Variants in NLGN1 observed in about 807,000 individuals in gnomAD.
NLGN1 encodes neuroligin-1.
In NLGN1, 12 loss-of-function variants were observed where a neutral mutation model predicts 65.5. The ratio of observed to expected loss-of-function variants is 0.18; its 90% CI spans 0.12 to 0.30. The LOEUF (loss-of-function observed/expected upper bound fraction) is 0.30, where lower values mean the gene tolerates loss of function less well. Among genes scored for constraint, NLGN1 ranks in the 10% least tolerant of loss-of-function variants. The pLI is 1.00. For missense variants in NLGN1, 750 were observed against 1,007.1 expected, an observed-to-expected ratio of 0.74 and a Z score of 3.46; for synonymous variants, 350 against 359.5, an observed-to-expected ratio of 0.97 and a Z score of 0.30.
chr3:173,685,071 C>A (rs1764498347), intron 3 of NLGN1, among the ~76,000 whole-genome samples: 1 of 152,182 alleles, frequency 6.6e-6, no homozygotes, highest in Non-Finnish European at 1.5e-5. Context: ...GTTAAGCCCT[C>A]CTTATTAGAC....
In NLGN1 at chr3:173,683,970, C is replaced by G. The variant is rs1257221821; in HGVS notation, c.493+78879C>G. On this transcript the variant is annotated intron_variant, in intron 3 of 6. Transcript: ENST00000457714. Reference sequence around the variant, plus strand: ...CCAAAGCCAAAGCTATCTTTAATCACAGTAAACAAATCATATATCATTATA... The same window carrying G: ...CCAAAGCCAAAGCTATCTTTAATCAGAGTAAACAAATCATATATCATTATA... Among the ~76,000 whole-genome samples the G allele has an allele frequency of 2.6e-5, 4 of 152,180 alleles. No individual in the cohort carries two copies. In the East Asian group the frequency reaches 5.8e-4, roughly 22 times the overall value.
At chr3:174,022,588 A>G (rs1727965757) in intron 4 of NLGN1, among the ~76,000 whole-genome samples, 1 of 152,238 alleles carries the variant, frequency 6.6e-6, no homozygotes, top group South Asian at 2.1e-4. Flanking sequence ...ATACGCCAAC[A>G]GGCATATGAA....
chr3:173,913,595 C>G (rs538500237), intron 4 of NLGN1, among the ~76,000 whole-genome samples: 12 of 152,182 alleles, frequency 7.9e-5, no homozygotes, highest in South Asian at 4.2e-4. Context: ...GACATGCTTT[C>G]CTCTCTCAAC....
At chr3:173,556,477 G>A (rs1357107547) in intron 2 of NLGN1, among the ~76,000 whole-genome samples, 1 of 151,884 alleles carries the variant, frequency 6.6e-6, no homozygotes, top group Non-Finnish European at 1.5e-5. Context: ...TTTTTAGGAG[G>A]GTGTTCTTAA....
intron 4 of NLGN1, among the ~76,000 whole-genome samples, chr3:174,011,985 A>C (rs1212138866): frequency 1.3e-5 from 2 of 152,118 alleles, no homozygotes; most frequent in Admixed American, 1.3e-4. Context: ...CAAATAGCAA[A>C]TTTTGATAGA....
intron 3 of NLGN1, among the ~76,000 whole-genome samples, chr3:173,665,842 A>G (rs545473826): frequency 6.6e-6 from 1 of 152,308 alleles, no homozygotes; most frequent in Non-Finnish European, 1.5e-5. Context: ...TTGTTTCCCT[A>G]ATATGAAGTT....
intron 3 of NLGN1, among the ~76,000 whole-genome samples, chr3:173,673,185 A>G (rs1365990616): frequency 6.6e-6 from 1 of 152,126 alleles, no homozygotes; most frequent in East Asian, 1.9e-4. Context: ...TATTTTCTTG[A>G]TGCTATGAAA....
At chr3:174,038,132 A>G (rs1241268174) in intron 4 of NLGN1, among the ~76,000 whole-genome samples, 1 of 152,170 alleles carries the variant, frequency 6.6e-6, no homozygotes, top group Admixed American at 6.6e-5. Context: ...AGAATGTGGC[A>G]GTCGCTGTGA....
chr3:174,037,551 AGCAAGT>A (rs1021236478), intron 4 of NLGN1, among the ~76,000 whole-genome samples: 3 of 152,184 alleles, frequency 2.0e-5, no homozygotes, highest in Non-Finnish European at 4.4e-5. Flanking sequence ...AGCTCTGTGG[AGCAAGT>A]ATATTTACAT....
intron 3 of NLGN1, among the ~76,000 whole-genome samples, chr3:173,638,675 T>C (rs2149577069): frequency 6.6e-6 from 1 of 152,288 alleles, no homozygotes; most frequent in African/African-American, 2.4e-5. Flanking sequence ...TTTCACATAA[T>C]GGATTATTTT....
intron 4 of NLGN1, among the ~76,000 whole-genome samples, chr3:174,264,956 T>A (rs566704407): frequency 7.4e-4 from 113 of 152,240 alleles, no homozygotes; most frequent in Admixed American, 3.4e-3. Context: ...GAGGTGTCAG[T>A]GTGCCCCTGC....
rs994576219 is a variant in NLGN1 at position 173,957,874 on chromosome 3, A to G, written c.646+150042A>G. 2.0e-5 allele frequency among the ~76,000 whole-genome samples: 3 copies of G among 152,088 alleles called. No individual in the cohort carries two copies. In the East Asian group the frequency reaches 5.8e-4, roughly 29 times the overall value. On this transcript the variant is annotated intron_variant, in intron 4 of 6. Transcript: ENST00000457714. ...TGGCAGGCTGTGCTCAGCTTGTGCTACTGGCCTGGATCCCACACCTGCCAA... is the reference window on the plus strand; with the variant it reads ...TGGCAGGCTGTGCTCAGCTTGTGCTGCTGGCCTGGATCCCACACCTGCCAA...
intron 4 of NLGN1, among the ~76,000 whole-genome samples, chr3:173,866,437 T>C (rs967215916): frequency 6.6e-6 from 1 of 152,174 alleles, no homozygotes; most frequent in Non-Finnish European, 1.5e-5. Flanking sequence ...CTAATGTATG[T>C]CTCTCTGTAA....
At chr3:173,407,518 A>G (rs922554101) in intron 1 of NLGN1, among the ~76,000 whole-genome samples, 1 of 152,270 alleles carries the variant, frequency 6.6e-6, no homozygotes, top group Non-Finnish European at 1.5e-5. Flanking sequence ...CCATGATTAC[A>G]TAATTACTAG....
intron 3 of NLGN1, among the ~76,000 whole-genome samples, chr3:173,684,636 C>A (rs1336788089): frequency 6.6e-6 from 1 of 152,134 alleles, no homozygotes; most frequent in Non-Finnish European, 1.5e-5. Context: ...CATGTGACGT[C>A]CAATTTACAT....
intron 4 of NLGN1, among the ~76,000 whole-genome samples, chr3:174,045,063 C>T (rs1193163309): frequency 6.6e-6 from 1 of 152,124 alleles, no homozygotes; most frequent in Non-Finnish European, 1.5e-5. Context: ...TGGACTAATA[C>T]ACCATCCAAA....
intron 3 of NLGN1, among the ~76,000 whole-genome samples, chr3:173,696,410 C>T (rs771382915): frequency 6.6e-6 from 1 of 151,978 alleles, no homozygotes; most frequent in Non-Finnish European, 1.5e-5. Flanking sequence ...GTATAGCTAC[C>T]AAGAGACTTT....
At chr3:173,480,229 G>T (rs1727041617) in intron 2 of NLGN1, among the ~76,000 whole-genome samples, 2 of 151,300 alleles carry the variant, frequency 1.3e-5, no homozygotes, top group Admixed American at 1.3e-4. Flanking sequence ...CACAAACAAG[G>T]TATTGCATTA....
chr3:174,212,351 C>T (rs1303792005), intron 4 of NLGN1, among the ~76,000 whole-genome samples: 1 of 152,226 alleles, frequency 6.6e-6, no homozygotes, highest in East Asian at 1.9e-4. Flanking sequence ...GCCCGCGCCT[C>T]TCCCTCCACA....
Sources: allele counts gnomAD v4.1 joint callset (sites outside exome capture counted in the v4.1 genomes callset), GRCh38; gene constraint gnomAD v4.1.1; transcripts MANE v1.5; gene names NCBI Gene and HGNC (gene_info 2026-07-23, HGNC 2026-07-21).